PARP6: variants seen among roughly 807,000 people sequenced by gnomAD.
PARP6 encodes the protein poly(ADP-ribose) polymerase family member 6.
Under a neutral mutation model 92.0 loss-of-function variants are expected in PARP6, and 27 were observed. The ratio of observed to expected loss-of-function variants is 0.29; its 90% confidence interval spans 0.22 to 0.40. The LOEUF is 0.40. PARP6 is among the 10% of genes least tolerant of loss of function. PARP6 has a pLI of 1.00. For missense variants in PARP6, 501 were observed against 784.5 expected (o/e 0.64, Z 4.32); for synonymous variants, 272 against 281.2 (o/e 0.97, Z 0.33).
chr15:72,242,172 T>C lies in PARP6; in HGVS notation c.1690A>G (p.Ile564Val), dbSNP rs1313772382. ...RFLQSRNLNC[I>V]ALCEVITSKD... ...AGCTACCTACCTTCACAAAGTGCTA[T>C]ACAGTTTAGATTCCGACTCTGCAGG... is the stretch of plus-strand genomic sequence containing the variant. Residue 564 changes from isoleucine to valine, a missense_variant, in exon 22 of 24, where the codon ATA becomes GTA. Around this residue, in one of 4 missense-constraint regions of PARP6, gnomAD observed 191 missense variants for 399.1 expected, o/e 0.48. Transcript: ENST00000569795. This position sits in a 1 kb window ranked among gnomAD's most constrained non-coding sequence, Gnocchi z 4.3. 1.9e-6 allele frequency: 3 copies of C among 1,614,002 alleles called. No homozygotes were observed. Among genetic ancestry groups the C allele is most frequent in the Admixed American group, 1.7e-5 (1 of 60,020 alleles).
Position 72,242,724 on chromosome 15 carries a change from T to G in PARP6, c.1562-25A>C. The G allele has an allele frequency of 6.5e-7, 1 of 1,532,284 alleles. No individual in the cohort carries two copies. The allele number at this position is 1,532,284 out of a possible 1,614,324, so 94.9% of individuals were successfully genotyped here. A position where few individuals can be genotyped will look rare whatever the true frequency, so the allele number is the denominator to read the frequency against. On this transcript the variant is annotated intron_variant, in intron 20 of 23. Transcript: ENST00000569795. This position sits in a 1 kb window ranked among gnomAD's most constrained non-coding sequence, Gnocchi z 4.3. ...CCTGTCACAGAACAATACACCCACT[T>G]CATTTATCAAAAATTTACGAAAGTG...
At chr15:72,247,791 A>AT (rs1011241077) in intron 20 of PARP6, among the ~76,000 whole-genome samples, 8 of 147,694 alleles carry the variant, frequency 5.4e-5, no homozygotes, top group Non-Finnish European at 7.5e-5. Context: ...ATTACTTTTT[A>AT]TTTTTTTTTT....
At chr15:72,249,563 GCATTCAT>G (rs2084063382) in intron 19 of PARP6, among the ~76,000 whole-genome samples, 1 of 152,216 alleles carries the variant, frequency 6.6e-6, no homozygotes, top group Non-Finnish European at 1.5e-5. Flanking sequence ...CAGTCCCTCA[GCATTCAT>G]TTTCCTGTCT....
At chr15:72,259,767 C>A in intron 10 of PARP6, 106 bp from the exon 11 acceptor site, 1 of 938,188 alleles carries the variant, frequency 1.1e-6, no homozygotes, top group South Asian at 1.6e-5. Flanking sequence ...CAGCTAAACC[C>A]TAGCTCAGAA....
chr15:72,241,726 T>C lies in PARP6; in HGVS notation c.1791-169A>G, dbSNP rs564247854. ...GCTTATCTGGTTTCCTCTAGATAGATCCCAACCATCTATACCCATTCCCAT... is the reference window on the plus strand; with the variant it reads ...GCTTATCTGGTTTCCTCTAGATAGACCCCAACCATCTATACCCATTCCCAT... On this transcript the variant is annotated intron_variant, in intron 23 of 23. Transcript: ENST00000569795. The surrounding 1 kb of genome is among the most constrained non-coding windows in gnomAD (Gnocchi z 4.1). Among the ~76,000 whole-genome samples, 96 of 152,302 alleles carry C rather than the reference T, an allele frequency of 6.3e-4. 1 individual carries two copies. The highest frequency in any genetic ancestry group is 2.2e-3 in the Admixed American group (33 of 15,288).
chr15:72,267,540 C>T lies in PARP6; in HGVS notation c.-63G>A. Reference sequence around the variant, plus strand: ...AGGCAGCACCCCTCCATACCACTAGCCGAACCAAGGCCAACGAGATGGGCA... The same window carrying T: ...AGGCAGCACCCCTCCATACCACTAGTCGAACCAAGGCCAACGAGATGGGCA... On this transcript the variant is annotated 5_prime_UTR_variant, in exon 3 of 24. Transcript: ENST00000569795. 6.3e-7 allele frequency: 1 copy of T among 1,599,484 alleles called. No homozygotes were observed. Among genetic ancestry groups the T allele is most frequent in the African/African-American group, 1.3e-5 (1 of 74,734 alleles).
At chr15:72,251,154 T>G (rs2084299391) in intron 17 of PARP6, 53 bp downstream of exon 17, 1 of 1,252,796 alleles carries the variant, frequency 8.0e-7, no homozygotes, top group African/African-American at 1.5e-5. Context: ...TTCCAGCCCC[T>G]CCCTGCCCCT....
rs767341174 is a variant in PARP6 at position 72,241,824 on chromosome 15, CTT to C, written c.1790+75_1790+76del. ...ACATGTCTCAGATAACAGAAATAGACTTTTCCCAGTAGCCACACACCATCACA... is the reference window on the plus strand; with the variant it reads ...ACATGTCTCAGATAACAGAAATAGACTTCCCAGTAGCCACACACCATCACA... On this transcript the variant is annotated intron_variant, in intron 23 of 23. Transcript: ENST00000569795. This position sits in a 1 kb window ranked among gnomAD's most constrained non-coding sequence, Gnocchi z 4.1. The C allele has an allele frequency of 1.0e-4, 111 of 1,087,842 alleles. No individual in the cohort carries two copies. The highest frequency in any genetic ancestry group is 1.5e-4 in the Non-Finnish European group (104 of 704,494). 67.4% of individuals were successfully genotyped at this position (1,087,842 alleles called of 1,614,324 possible). A position where few individuals can be genotyped will look rare whatever the true frequency, so the allele number is the denominator to read the frequency against.
intron 18 of PARP6, 136 bp from the exon 19 acceptor site, chr15:72,250,228 A>G (rs911630433): frequency 3.0e-6 from 2 of 663,742 alleles, no homozygotes; most frequent in East Asian, 2.7e-5. Flanking sequence ...GGACATGCAC[A>G]TGGATACAGT....
At chr15:72,257,016 T>C (rs773888813) in intron 13 of PARP6, among the ~76,000 whole-genome samples, 3 of 152,198 alleles carry the variant, frequency 2.0e-5, no homozygotes, top group Non-Finnish European at 2.9e-5. Context: ...GTACTGGGAT[T>C]ACAGGTGTGA....
chr15:72,257,357 A>T lies in PARP6; in HGVS notation c.990T>A (p.Thr330=). ...TTTCCCTCCCCCATACCTCTGCTCC[A>T]GTGGCCACCTCCTCTGCAGCTCCAG... is the stretch of plus-strand genomic sequence containing the variant. ...VMSGAAEEVA[T]GAEVVDLLVA... Residue 330 remains threonine, a synonymous_variant, in exon 13 of 24, where the codon ACT becomes ACA. Coordinates refer to ENST00000569795, the MANE Select transcript of PARP6 (RefSeq NM_001323532.2). The T allele has an allele frequency of 6.2e-7, 1 of 1,612,974 alleles. No individual in the cohort carries two copies. Among genetic ancestry groups the T allele is most frequent in the Non-Finnish European group, 8.5e-7 (1 of 1,178,936 alleles).
chr15:72,268,047 T>G (rs1031729875), intron 2 of PARP6, among the ~76,000 whole-genome samples: 1 of 152,270 alleles, frequency 6.6e-6, no homozygotes, highest in Non-Finnish European at 1.5e-5. Context: ...CCATTGCACC[T>G]GGCTATTAAT....
At position 72,253,484 on chromosome 15, in the gene PARP6, C is replaced by T; in HGVS notation, c.1212G>A (p.Lys404=). ...EMTQGSYLEI[K]KQMDKLDPLA... ...GGGGATCCAACTTGTCCATCTGTTT[C>T]TTGATTTCCAAATATGAGCCCTGTA... Residue 404 remains lysine, a synonymous_variant, in exon 16 of 24, where the codon AAG becomes AAA. Coordinates refer to ENST00000569795, the MANE Select transcript of PARP6 (RefSeq NM_001323532.2). The T allele has an allele frequency of 6.2e-7, 1 of 1,613,964 alleles. No individual in the cohort carries two copies. Among genetic ancestry groups the T allele is most frequent in the Non-Finnish European group, 8.5e-7 (1 of 1,179,844 alleles).
chr15:72,260,375 T>C (rs1189925029), intron 10 of PARP6, 103 bp downstream of exon 10: 2 of 890,084 alleles, frequency 2.2e-6, no homozygotes, highest in Non-Finnish European at 3.6e-6. Flanking sequence ...TGATTTATGA[T>C]GCCTAGACAA....
intron 2 of PARP6, among the ~76,000 whole-genome samples, chr15:72,269,683 T>A (rs975068718): frequency 3.3e-5 from 5 of 151,770 alleles, no homozygotes; most frequent in African/African-American, 9.7e-5. Flanking sequence ...GCAGGACACC[T>A]GAGGTCAGGA....
intron 20 of PARP6, chr15:72,243,051 G>A (rs2083236984): frequency 4.2e-6 from 1 of 238,324 alleles, no homozygotes; most frequent in Non-Finnish European, 8.1e-6. Flanking sequence ...AGAAGTAATA[G>A]GATACAGAAG....
Position 72,265,435 on chromosome 15 carries a change from T to G in PARP6, c.215A>C (p.His72Pro). 2 of 1,613,806 alleles carry G rather than the reference T, an allele frequency of 1.2e-6. No homozygotes were observed. Among genetic ancestry groups the G allele is most frequent in the South Asian group, 1.1e-5 (1 of 91,084 alleles). ...GTIDDVDIDL[H>P]INISFLDEEV... ...TACATCGAGGAAGCTGATGTTGATG[T>G]GGAGGTCAATGTCCACGTCATCGAT... The change falls in exon 6 of 24, where the codon CAC (histidine) becomes CCC (proline). Residue 72 changes from histidine to proline, a missense_variant. Transcript: ENST00000569795.
In PARP6 at chr15:72,242,742, C is replaced by T. The variant is rs771227889; in HGVS notation, c.1562-43G>A. The T allele has an allele frequency of 3.2e-5, 41 of 1,284,684 alleles. No individual in the cohort carries two copies. The highest frequency in any genetic ancestry group is 5.2e-5 in the South Asian group (4 of 77,516). The allele number at this position is 1,284,684 out of a possible 1,614,324, so 79.6% of individuals were successfully genotyped here. A position where few individuals can be genotyped will look rare whatever the true frequency, so the allele number is the denominator to read the frequency against. ...ACCCACTTCATTTATCAAAAATTTA[C>T]GAAAGTGCCTACTATGTCCCAGCAC... On this transcript the variant is annotated intron_variant, in intron 20 of 23. Transcript: ENST00000569795. The surrounding 1 kb of genome is among the most constrained non-coding windows in gnomAD (Gnocchi z 4.3).
At chr15:72,269,027 C>A (rs151123767) in intron 2 of PARP6, among the ~76,000 whole-genome samples, 1 of 152,194 alleles carries the variant, frequency 6.6e-6, no homozygotes, top group African/African-American at 2.4e-5. Context: ...GATGGCAAAT[C>A]TACCCTAAAA....
Sources: allele counts gnomAD v4.1 joint callset (sites outside exome capture counted in the v4.1 genomes callset), GRCh38; gene constraint gnomAD v4.1.1; regional missense constraint gnomAD v4.1.1; non-coding constraint Gnocchi (gnomAD v3.1); transcripts MANE v1.5; gene names NCBI Gene and HGNC (gene_info 2026-07-23, HGNC 2026-07-21).